AATK: variants seen among roughly 807,000 people sequenced by gnomAD.
The protein encoded by AATK is serine/threonine-protein kinase LMTK1.
Under a neutral mutation model 114.3 loss-of-function variants are expected in AATK, and 91 were observed. That is an observed-to-expected ratio of 0.80 (90% CI 0.67 to 0.95). The LOEUF is 0.95. Ranked by LOEUF, AATK falls within the 40% of genes least tolerant of loss-of-function variation. The pLI is 0.00. For synonymous variants in AATK, 1,075 were observed against 916.5 expected (o/e 1.17, Z -3.12); for missense variants, 2,176 against 1,965.2 (o/e 1.11, Z -2.03).
At position 81,119,569 on chromosome 17, in the gene AATK, C is replaced by T. The variant is rs775661351; in HGVS notation, c.3895G>A (p.Ala1299Thr). 5 of 1,573,658 alleles carry T rather than the reference C, an allele frequency of 3.2e-6. No homozygotes were observed. The highest frequency in any genetic ancestry group is 1.4e-5 in the African/African-American group (1 of 71,926). Residue 1299 changes from alanine to threonine, a missense_variant, in exon 13 of 14, where the codon GCG becomes ACG. Physicochemically the swap from Ala to Thr is moderately conservative, Grantham distance 58 (BLOSUM62 0). This residue lies in a region of AATK where 1,701 missense variants were observed against 1,394.7 expected (regional missense o/e 1.22). Transcript: ENST00000326724. ...GSTAEEGGGF[A>T]WDDDFPLMTA... ...ATCAGCGGGAAGTCGTCGTCCCACG[C>T]GAACCCACCACCTGCAGCCCAGGTC...
At position 81,126,387 on chromosome 17, in the gene AATK, G is replaced by A. The variant is rs1598918505; in HGVS notation, c.755+40C>T. The A allele has an allele frequency of 6.5e-7, 1 of 1,535,230 alleles. No homozygotes were observed. Among genetic ancestry groups the A allele is most frequent in the Non-Finnish European group, 8.8e-7 (1 of 1,136,818 alleles). ...GCCCTTCCTTCAGGGGAGGGGCCTG[G>A]CCTAGGGCTTCCCGGCCGCTGGCCC... On this transcript the variant is annotated intron_variant, in intron 7 of 13. Coordinates refer to ENST00000326724, the MANE Select transcript of AATK (RefSeq NM_001080395.3). This position sits in a 1 kb window ranked among gnomAD's most constrained non-coding sequence, Gnocchi z 5.1.
intron 1 of AATK, among the ~76,000 whole-genome samples, chr17:81,148,351 G>A (rs969958926): frequency 5.3e-5 from 8 of 152,212 alleles, no homozygotes; most frequent in Non-Finnish European, 1.2e-4. Flanking sequence ...ACCACGCTCA[G>A]CCTCCCACTT....
intron 7 of AATK, chr17:81,125,372 A>G (rs777028570): frequency 2.0e-5 from 12 of 609,056 alleles, no homozygotes; most frequent in Non-Finnish European, 3.6e-5. Context: ...GCTCTACTAC[A>G]CTATCACTCT....
intron 4 of AATK, 98 bp from the exon 5 acceptor site, chr17:81,128,008 G>A: frequency 1.4e-6 from 2 of 1,436,558 alleles, no homozygotes; most frequent in South Asian, 1.3e-5. Context: ...CGGCCCCCAG[G>A]ACAGGACACT....
intron 1 of AATK, chr17:81,165,540 G>T (rs758174330): frequency 6.6e-6 from 6 of 913,176 alleles, no homozygotes; most frequent in Non-Finnish European, 7.7e-6. Context: ...AGCCTCCCAC[G>T]CCAGGGCCCC....
At chr17:81,127,408 G>C (rs2060857430) in intron 6 of AATK, among the ~76,000 whole-genome samples, 175 bp downstream of exon 6, 1 of 152,120 alleles carries the variant, frequency 6.6e-6, no homozygotes, top group South Asian at 2.1e-4. Flanking sequence ...TCCCTCCCTG[G>C]TGAGGCTAGG....
rs1235012202 is a variant in AATK at position 81,122,027 on chromosome 17, C to G, written c.1909G>C (p.Ala637Pro). The change falls in exon 11 of 14, where the codon GCC (alanine) becomes CCC (proline). Residue 637 changes from alanine (A) to proline (P), a missense_variant. Coordinates refer to ENST00000326724, the MANE Select transcript of AATK (RefSeq NM_001080395.3). ...ADWGVAAFCP[A>P]FFEDPLGTSP... ...GTGCCCAGTGGGTCCTCGAAGAAGGCAGGACAGAAGGCGGCCACGCCCCAG... is the reference window on the plus strand; with the variant it reads ...GTGCCCAGTGGGTCCTCGAAGAAGGGAGGACAGAAGGCGGCCACGCCCCAG... 17 of 1,600,238 alleles carry G rather than the reference C, an allele frequency of 1.1e-5. No homozygotes were observed. The highest frequency in any genetic ancestry group is 2.2e-5 in the East Asian group (1 of 44,836).
At position 81,126,495 on chromosome 17, in the gene AATK, G is replaced by T. The variant is rs370174407; in HGVS notation, c.687C>A (p.Thr229=). The change falls in exon 7 of 14, where the codon ACC becomes ACA. Residue 229 remains threonine (T), a synonymous_variant. Transcript: ENST00000326724. This position sits in a 1 kb window ranked among gnomAD's most constrained non-coding sequence, Gnocchi z 5.1. ...CCACCTCACAGGCCATGCGCTGCAG[G>T]GTCCGGGGGTCGGGAGCCATGGACT... is the stretch of plus-strand genomic sequence containing the variant. The part of the protein sequence containing the change: ...VAESMAPDPR[T]LQRMACEVAC... 287 of 1,552,252 alleles carry T rather than the reference G, an allele frequency of 1.8e-4. No homozygotes were observed. In the African/African-American group the frequency reaches 3.7e-3, roughly 20 times the overall value.
At chr17:81,137,613 G>A (rs1274864550) in intron 1 of AATK, among the ~76,000 whole-genome samples, 2 of 152,148 alleles carry the variant, frequency 1.3e-5, no homozygotes, top group Non-Finnish European at 2.9e-5. Flanking sequence ...CCAAGGGCCA[G>A]GACTAGTGCC....
At chr17:81,136,468 A>C (rs929059180) in intron 1 of AATK, among the ~76,000 whole-genome samples, 7 of 151,688 alleles carry the variant, frequency 4.6e-5, no homozygotes, top group African/African-American at 1.7e-4. Flanking sequence ...TCCTCCCCCG[A>C]ATGGAGGCAG....
chr17:81,143,883 C>G (rs1485752870), intron 1 of AATK, among the ~76,000 whole-genome samples: 1 of 152,224 alleles, frequency 6.6e-6, no homozygotes, highest in Non-Finnish European at 1.5e-5. Context: ...GCGGGCGTGA[C>G]CCCCACATGC....
At chr17:81,137,565 G>A (rs1297057718) in intron 1 of AATK, among the ~76,000 whole-genome samples, 1 of 152,164 alleles carries the variant, frequency 6.6e-6, no homozygotes, top group East Asian at 1.9e-4. Flanking sequence ...CCCGCTGGCT[G>A]TCAGCTTGTA....
chr17:81,126,620 T>A lies in AATK; in HGVS notation c.622-60A>T. Reference sequence around the variant, plus strand: ...GCTGGGGGCTGGCCACCCTGGGAGGTCCCCACCTACCTCCCCAACTCCTCC... The same window carrying A: ...GCTGGGGGCTGGCCACCCTGGGAGGACCCCACCTACCTCCCCAACTCCTCC... On this transcript the variant is annotated intron_variant, in intron 6 of 13. Transcript: ENST00000326724. This position sits in a 1 kb window ranked among gnomAD's most constrained non-coding sequence, Gnocchi z 5.1. The A allele has an allele frequency of 9.3e-6, 14 of 1,504,166 alleles. No individual in the cohort carries two copies. The highest frequency in any genetic ancestry group is 1.3e-5 in the Non-Finnish European group (14 of 1,118,662). The allele number at this position is 1,504,166 out of a possible 1,614,324, so 93.2% of individuals were successfully genotyped here. A position where few individuals can be genotyped will look rare whatever the true frequency, so the allele number is the denominator to read the frequency against.
Position 81,118,161 on chromosome 17 carries a change from G to C in AATK, c.*241C>G. On this transcript the variant is annotated 3_prime_UTR_variant, in exon 14 of 14. Coordinates refer to ENST00000326724, the MANE Select transcript of AATK (RefSeq NM_001080395.3). ...CCACTGTGGCTCCAGGCGCCCCCAG[G>C]GGCTAGCAGCAAGCCTAAAAGCCCA... 1.8e-6 allele frequency: 1 copy of C among 548,760 alleles called. No homozygotes were observed. The highest frequency in any genetic ancestry group is 3.3e-6 in the Non-Finnish European group (1 of 306,636). 34.0% of individuals were successfully genotyped at this position (548,760 alleles called of 1,614,324 possible).
chr17:81,129,052 G>A (rs1324990181), intron 3 of AATK: 1 of 369,440 alleles, frequency 2.7e-6, no homozygotes, highest in Non-Finnish European at 3.8e-6. Flanking sequence ...CCGAGGGCCA[G>A]GCCGGGTGAG....
chr17:81,132,941 A>G (rs371638657), intron 2 of AATK: 84 of 266,010 alleles, frequency 3.2e-4, no homozygotes, highest in African/African-American at 1.7e-3. Flanking sequence ...ACAGTGCCCC[A>G]AGGAGGGGCC....
At chr17:81,158,092 G>A (rs755623808) in intron 1 of AATK, among the ~76,000 whole-genome samples, 9 of 152,198 alleles carry the variant, frequency 5.9e-5, no homozygotes, top group East Asian at 1.9e-4. Context: ...GCCGGGCGTC[G>A]CGGATGCATG....
At chr17:81,138,960 C>T (rs938933170) in intron 1 of AATK, among the ~76,000 whole-genome samples, 10 of 151,234 alleles carry the variant, frequency 6.6e-5, no homozygotes, top group Non-Finnish European at 7.4e-5. Flanking sequence ...ACCCCCCACA[C>T]GTGCGCGCGC....
chr17:81,118,456 C>G lies in AATK; in HGVS notation c.4085-14G>C. ...CAGCTTCAGGTCCTGGCAAGCAGGA[C>G]AACAAAGTGAACACAGGGTTCTGAG... On this transcript the variant is annotated splice_polypyrimidine_tract_variant and intron_variant, in intron 13 of 13. Transcript: ENST00000326724. 1 of 1,604,936 alleles carries G rather than the reference C, an allele frequency of 6.2e-7. No homozygotes were observed. Among genetic ancestry groups the G allele is most frequent in the Non-Finnish European group, 8.5e-7 (1 of 1,176,594 alleles).
Sources: gnomAD v4.1 joint callset for allele counts (sites outside exome capture counted in the v4.1 genomes callset) on GRCh38, gnomAD v4.1.1 for gene constraint, gnomAD v4.1.1 regional missense constraint, Gnocchi (gnomAD v3.1) non-coding constraint, MANE v1.5 for transcripts, NCBI Gene and HGNC (gene_info 2026-07-23, HGNC 2026-07-21) for gene names.